Variants in DYNC2I2 observed in about 807,000 individuals in gnomAD.
DYNC2I2 encodes dynein 2 intermediate chain 2, also known as cytoplasmic dynein 2 intermediate chain 2.
In DYNC2I2, 39 loss-of-function variants were observed where a neutral mutation model predicts 52.0. The ratio of observed to expected loss-of-function variants is 0.75; its 90% CI spans 0.58 to 0.98. DYNC2I2 has a LOEUF of 0.98. Among genes scored for constraint, DYNC2I2 ranks in the 50% least tolerant of loss-of-function variants. The pLI, the probability that DYNC2I2 is intolerant of heterozygous loss-of-function variation, is 0.00. For synonymous variants in DYNC2I2, 359 were observed against 321.1 expected (o/e 1.12, Z -1.26); for missense variants, 743 against 728.4 (o/e 1.02, Z -0.23).
At chr9:128,660,213 G>A (rs1270748831), upstream of DYNC2I2, among the ~76,000 whole-genome samples, 10 of 150,614 alleles carry the variant, frequency 6.6e-5, no homozygotes, top group African/African-American at 1.7e-4. Context: ...GGTTCACGCC[G>A]TTCTCCTGCC....
chr9:128,673,451 C>G, the DYNC2I2 span, among the ~76,000 whole-genome samples: 1 of 151,964 alleles, frequency 6.6e-6, no homozygotes, highest in Non-Finnish European at 1.5e-5. Flanking sequence ...AAGGGCTCCT[C>G]CCTGCTCAGC....
At chr9:128,683,981 C>T in the DYNC2I2 span, 2 of 1,555,650 alleles carry the variant, frequency 1.3e-6, no homozygotes, top group Non-Finnish European at 1.7e-6. Flanking sequence ...GAGACATCGG[C>T]CTCTGCAGGC....
the DYNC2I2 span, among the ~76,000 whole-genome samples, chr9:128,669,352 G>A: frequency 7.0e-3 from 1,067 of 151,702 alleles, 11 homozygotes; most frequent in African/African-American, 0.02. Context: ...GCGACAGAGC[G>A]AGACTCTGTC....
the DYNC2I2 span, among the ~76,000 whole-genome samples, chr9:128,670,797 G>C: frequency 6.6e-6 from 1 of 151,278 alleles, no homozygotes. Context: ...GGGTGTGGTG[G>C]CTCAGGCCTG....
Position 128,633,903 on chromosome 9 carries a change from A to T in DYNC2I2, c.1452T>A (p.Pro484=). ...VLIKQTQDES[P]VYCLEFNSQQ... Reference sequence around the variant, plus strand: ...GGCTGTTGAACTCCAGACAGTAGACAGGGCTTTCATCCTGGGTTTGCTTGA... The same window carrying T: ...GGCTGTTGAACTCCAGACAGTAGACTGGGCTTTCATCCTGGGTTTGCTTGA... Residue 484 remains proline, a synonymous_variant, in exon 9 of 9, where the codon CCT becomes CCA. Transcript: ENST00000372715. 1.2e-6 allele frequency: 2 copies of T among 1,613,384 alleles called. No individual in the cohort carries two copies. Among genetic ancestry groups the T allele is most frequent in the South Asian group, 1.1e-5 (1 of 91,086 alleles).
At chr9:128,634,140 T>C (rs1860296744) in intron 8 of DYNC2I2, 86 bp downstream of exon 8, 2 of 1,585,570 alleles carry the variant, frequency 1.3e-6, no homozygotes, top group South Asian at 2.3e-5. Flanking sequence ...ATGTGTGGTC[T>C]TTTCCCCAAC....
the DYNC2I2 span, among the ~76,000 whole-genome samples, chr9:128,662,911 T>G: frequency 0.053 from 7,946 of 151,096 alleles, 257 homozygotes; most frequent in East Asian, 0.13. Flanking sequence ...TTCAAGCATT[T>G]CTCATGTCTC....
chr9:128,635,197 G>A lies in DYNC2I2; in HGVS notation c.876C>T (p.Asp292=), dbSNP rs558962462. ...TGCCCTGCCAGAGTAGCACCTTCCC[G>A]TCGGTGGCCACACTCAGCACCTGGA... ...HRFQVLSVAT[D]GKVLLWQGIG... is the part of the protein sequence containing the mutation. Residue 292 remains aspartate (D), a synonymous_variant, in exon 6 of 9, where the codon GAC becomes GAT. Transcript: ENST00000372715. 26 of 1,613,386 alleles carry A rather than the reference G, an allele frequency of 1.6e-5. No individual in the cohort carries two copies. The highest frequency in any genetic ancestry group is 2.2e-5 in the East Asian group (1 of 44,876).
intron 1 of DYNC2I2, among the ~76,000 whole-genome samples, chr9:128,647,524 A>G (rs563014677): frequency 5.6e-4 from 86 of 152,264 alleles, no homozygotes; most frequent in Non-Finnish European, 6.6e-4. Flanking sequence ...TCACGAGGTC[A>G]GGAGATCGAG....
At chr9:128,664,774 C>G in the DYNC2I2 span, among the ~76,000 whole-genome samples, 1 of 151,834 alleles carries the variant, frequency 6.6e-6, no homozygotes, top group South Asian at 2.1e-4. Flanking sequence ...CGTGAGCCAC[C>G]GTGCCCCACC....
intron 1 of DYNC2I2, among the ~76,000 whole-genome samples, chr9:128,646,460 G>A (rs979279491): frequency 6.6e-6 from 1 of 152,136 alleles, no homozygotes; most frequent in African/African-American, 2.4e-5. Context: ...CAGCCTGCCT[G>A]GGCTTCCCAA....
At chr9:128,684,178 G>C in the DYNC2I2 span, among the ~76,000 whole-genome samples, 3 of 152,060 alleles carry the variant, frequency 2.0e-5, no homozygotes, top group Non-Finnish European at 2.9e-5. Flanking sequence ...GACTAGACTG[G>C]GAGAACGGGA....
In DYNC2I2 at chr9:128,636,945, C is replaced by T. The variant is rs756392258; in HGVS notation, c.518G>A (p.Gly173Asp). 6 of 1,613,102 alleles carry T rather than the reference C, an allele frequency of 3.7e-6. No homozygotes were observed. Among genetic ancestry groups the T allele is most frequent in the Non-Finnish European group, 4.2e-6 (5 of 1,179,970 alleles). Residue 173 changes from glycine to aspartate, a missense_variant, in exon 3 of 9, where the codon GGC becomes GAC. Coordinates refer to ENST00000372715, the MANE Select transcript of DYNC2I2 (RefSeq NM_052844.4). The stretch of plus-strand genomic sequence containing the variant: ...GCCGTAGGCACAGGCCACCACAGAG[C>T]CAGTGGAGTTCCAGGAGATGCTGGT... Reference protein sequence around the residue: ...HVTSISWNSTGSVVACAYGRL... With the variant: ...HVTSISWNSTDSVVACAYGRL...
chr9:128,648,480 C>T (rs1450266343), intron 1 of DYNC2I2, among the ~76,000 whole-genome samples: 2 of 151,750 alleles, frequency 1.3e-5, no homozygotes, highest in African/African-American at 2.4e-5. Flanking sequence ...AGCCAGGCCC[C>T]GCCAAGCCAA....
chr9:128,634,947 T>G (rs1589428446), intron 6 of DYNC2I2, 26 bp from the exon 7 acceptor site: 1 of 1,609,138 alleles, frequency 6.2e-7, no homozygotes, highest in African/African-American at 1.3e-5. Context: ...AGCAGCAGGG[T>G]CAGAGCCAAG....
the DYNC2I2 span, among the ~76,000 whole-genome samples, chr9:128,673,318 G>A: frequency 6.6e-6 from 1 of 152,002 alleles, no homozygotes; most frequent in Admixed American, 6.6e-5. Flanking sequence ...TTTGTTAATG[G>A]TTAAAAAATA....
chr9:128,648,070 A>C (rs1860650174), intron 1 of DYNC2I2, among the ~76,000 whole-genome samples: 1 of 152,118 alleles, frequency 6.6e-6, no homozygotes, highest in Non-Finnish European at 1.5e-5. Context: ...CTCCTACCCA[A>C]GCCACAAGCT....
chr9:128,669,660 G>A, the DYNC2I2 span, among the ~76,000 whole-genome samples: 2 of 152,126 alleles, frequency 1.3e-5, no homozygotes, highest in Admixed American at 1.3e-4. Flanking sequence ...TCGCACTATT[G>A]CACGCCATCC....
chr9:128,636,453 G>T lies in DYNC2I2; in HGVS notation c.546-15C>A. ...CATGGTCCAGCCTGTGCAGGGACAG[G>T]CTTGAGCCGGCTGTGCCCCTGGGTG... On this transcript the variant is annotated splice_polypyrimidine_tract_variant and intron_variant, in intron 3 of 8. Coordinates refer to ENST00000372715, the MANE Select transcript of DYNC2I2 (RefSeq NM_052844.4). 47 of 1,588,178 alleles carry T rather than the reference G, an allele frequency of 3.0e-5. No individual in the cohort carries two copies. The highest frequency in any genetic ancestry group is 3.9e-5 in the Non-Finnish European group (46 of 1,172,272).
Sources: gnomAD v4.1 joint callset for allele counts (sites outside exome capture counted in the v4.1 genomes callset) on GRCh38, gnomAD v4.1.1 for gene constraint, MANE v1.5 for transcripts, NCBI Gene and HGNC (gene_info 2026-07-23, HGNC 2026-07-21) for gene names.